Variants in GDAP1 observed in about 807,000 individuals in gnomAD.
The protein encoded by GDAP1 is ganglioside induced differentiation associated protein 1.
In GDAP1, 34 loss-of-function variants were observed where a neutral mutation model predicts 40.1. The observed-to-expected ratio is 0.85, with a 90% CI of 0.64 to 1.13. GDAP1 has a LOEUF of 1.13. Ranked by LOEUF, GDAP1 falls within the 50% of genes most tolerant of loss-of-function variation. GDAP1 has a pLI of 0.00. For synonymous variants in GDAP1, 170 were observed against 157.4 expected (o/e 1.08, Z -0.60); for missense variants, 374 against 433.7 (o/e 0.86, Z 1.22).
intron 2 of GDAP1, among the ~76,000 whole-genome samples, chr8:74,460,266 C>A (rs138697645): frequency 6.6e-6 from 1 of 152,158 alleles, no homozygotes; most frequent in Non-Finnish European, 1.5e-5. Flanking sequence ...GTTGATCAAG[C>A]ATTTGTTGAT....
rs73347204 is a variant in GDAP1 at position 74,365,043 on chromosome 8, A to T, written c.*676A>T. 4.0e-4 allele frequency: 180 copies of T among 454,044 alleles called. No homozygotes were observed. Among genetic ancestry groups the T allele is most frequent in the African/African-American group, 3.3e-3 (167 of 50,104 alleles). 28.1% of individuals were successfully genotyped at this position (454,044 alleles called of 1,614,324 possible). On this transcript the variant is annotated 3_prime_UTR_variant, in exon 6 of 6. Coordinates refer to ENST00000220822, the MANE Select transcript of GDAP1 (RefSeq NM_018972.4). Reference sequence around the variant, plus strand: ...TACTGTTTTAGATGGTGCCTGTGAGATACCATTCCTCTGGATGGTCATGTC... The same window carrying T: ...TACTGTTTTAGATGGTGCCTGTGAGTTACCATTCCTCTGGATGGTCATGTC...
intron 2 of GDAP1, among the ~76,000 whole-genome samples, chr8:74,469,042 T>A (rs797007268): frequency 6.6e-6 from 1 of 152,186 alleles, no homozygotes; most frequent in Non-Finnish European, 1.5e-5. Context: ...TCCTCAGATA[T>A]ATGCATATGA....
rs189398217 is a variant in GDAP1, at chr8:74,373,967, G to T, written c.165+22646G>T. Among the ~76,000 whole-genome samples, 12 of 152,282 alleles carry T rather than the reference G, an allele frequency of 7.9e-5. No homozygotes were observed. In the East Asian group the frequency reaches 2.3e-3, roughly 29 times the overall value. On this transcript the variant is annotated intron_variant, in intron 2 of 2. Coordinates refer to the GDAP1 transcript ENST00000523640. Reference sequence around the variant, plus strand: ...ATTTATTGAGAGTTTTTAGCATGAAGGGTTGTTGAATTTTGTCAAAGGCCT... The same window carrying T: ...ATTTATTGAGAGTTTTTAGCATGAATGGTTGTTGAATTTTGTCAAAGGCCT...
In GDAP1 at chr8:74,452,650, C is replaced by G. The variant is rs1806303137; in HGVS notation, c.166-36028C>G. ...CTCTTCATTTTAGTTTTCATATGTTCTGATAGTCCTCATCTGTCCATTTAT... is the reference window on the plus strand; with the variant it reads ...CTCTTCATTTTAGTTTTCATATGTTGTGATAGTCCTCATCTGTCCATTTAT... On this transcript the variant is annotated intron_variant, in intron 2 of 2. Transcript: ENST00000523640. 3.6e-5 allele frequency among the ~76,000 whole-genome samples: 3 copies of G among 83,512 alleles called. 1 individual carries two copies. In the South Asian group the frequency reaches 1.6e-3, roughly 45 times the overall value. The allele number at this position is 83,512 out of a possible 152,430, so 54.8% of individuals were successfully genotyped here. A position where few individuals can be genotyped will look rare whatever the true frequency, so the allele number is the denominator to read the frequency against.
At chr8:74,485,985 G>A (rs1440905614) in intron 2 of GDAP1, among the ~76,000 whole-genome samples, 1 of 152,152 alleles carries the variant, frequency 6.6e-6, no homozygotes, top group Non-Finnish European at 1.5e-5. Context: ...CTGTGGTACT[G>A]AACTCAGGGG....
chr8:74,369,755 C>T (rs186130185), downstream of GDAP1, among the ~76,000 whole-genome samples: 5 of 151,970 alleles, frequency 3.3e-5, no homozygotes, highest in East Asian at 3.9e-4. Context: ...GAAAGCCTCA[C>T]GTAGGCATAT....
At chr8:74,418,705 G>C (rs1280112807) in intron 2 of GDAP1, among the ~76,000 whole-genome samples, 4 of 152,124 alleles carry the variant, frequency 2.6e-5, no homozygotes, top group African/African-American at 9.7e-5. Context: ...TTTGCTCTCT[G>C]TTAAGAGCTC....
downstream of GDAP1, among the ~76,000 whole-genome samples, chr8:74,368,867 G>A (rs142409589): frequency 0.015 from 2,284 of 152,260 alleles, 44 homozygotes; most frequent in African/African-American, 0.051. Flanking sequence ...CTAAATGCCT[G>A]TAGTGCTCCC....
rs1220134253 is a variant in GDAP1, at chr8:74,437,910, A to G, written c.166-50768A>G. Among the ~76,000 whole-genome samples, 3 of 152,200 alleles carry G rather than the reference A, an allele frequency of 2.0e-5. No homozygotes were observed. In the East Asian group the frequency reaches 5.8e-4, roughly 29 times the overall value. ...CTTTCACTTTTAACACAGTGCTGCA[A>G]TAAACATTCTTGCACATGTGCACTT... is the stretch of plus-strand genomic sequence containing the variant. On this transcript the variant is annotated intron_variant, in intron 2 of 2. Transcript: ENST00000523640.
In GDAP1 at chr8:74,366,624, G is replaced by A. The variant is rs1809650089; in HGVS notation, c.*2257G>A. On this transcript the variant is annotated 3_prime_UTR_variant, in exon 6 of 6. Coordinates refer to ENST00000220822, the MANE Select transcript of GDAP1 (RefSeq NM_018972.4). ...AAATATCACAATTAGAAAAATGCCT[G>A]AGGTACTAAAGTTATGTTGGCTTTT... 1 of 453,790 alleles carries A rather than the reference G, an allele frequency of 2.2e-6. No individual in the cohort carries two copies. 28.1% of individuals were successfully genotyped at this position (453,790 alleles called of 1,614,324 possible).
At position 74,366,065 on chromosome 8, in the gene GDAP1, C is replaced by G. The variant is rs1232134533; in HGVS notation, c.*1698C>G. On this transcript the variant is annotated 3_prime_UTR_variant, in exon 6 of 6. Coordinates refer to ENST00000220822, the MANE Select transcript of GDAP1 (RefSeq NM_018972.4). ...ATAAAAACCTCTGAAGGATATTTAC[C>G]TATGAAAAAGTTGTTAAGAATAAAA... is the stretch of plus-strand genomic sequence containing the variant. The G allele has an allele frequency of 4.5e-6, 2 of 441,930 alleles. No individual in the cohort carries two copies. Among genetic ancestry groups the G allele is most frequent in the African/African-American group, 2.0e-5 (1 of 49,062 alleles). The allele number at this position is 441,930 out of a possible 1,614,324, so 27.4% of individuals were successfully genotyped here.
intron 2 of GDAP1, among the ~76,000 whole-genome samples, chr8:74,401,047 C>A (rs1229678965): frequency 6.7e-6 from 1 of 149,140 alleles, no homozygotes; most frequent in African/African-American, 2.6e-5. Flanking sequence ...TTGCTCTTCT[C>A]GAGGAGTATC....
At chr8:74,421,284 C>G (rs1245310140) in intron 2 of GDAP1, among the ~76,000 whole-genome samples, 1 of 151,930 alleles carries the variant, frequency 6.6e-6, no homozygotes, top group Non-Finnish European at 1.5e-5. Flanking sequence ...TCCAGGTTGT[C>G]AACACTCAAA....
chr8:74,371,095 C>A (rs905264124), downstream of GDAP1, among the ~76,000 whole-genome samples: 5 of 152,194 alleles, frequency 3.3e-5, no homozygotes, highest in Non-Finnish European at 5.9e-5. Flanking sequence ...TGTCAGCCAA[C>A]TTGATCTCAT....
chr8:74,375,473 G>A (rs1809837724), intron 2 of GDAP1, among the ~76,000 whole-genome samples: 1 of 152,122 alleles, frequency 6.6e-6, no homozygotes. Flanking sequence ...TGCAAACTTG[G>A]CTTAATGTTT....
intron 2 of GDAP1, among the ~76,000 whole-genome samples, chr8:74,376,276 T>G (rs1438068068): frequency 6.6e-6 from 1 of 152,086 alleles, no homozygotes; most frequent in African/African-American, 2.4e-5. Context: ...ATCTAAAATT[T>G]ATGTGAAAAT....
intron 2 of GDAP1, among the ~76,000 whole-genome samples, chr8:74,487,517 A>G (rs1806791089): frequency 1.3e-5 from 2 of 152,256 alleles, no homozygotes; most frequent in Non-Finnish European, 2.9e-5. Context: ...CTGGCTTAAT[A>G]TAATTGAGAA....
intron 2 of GDAP1, among the ~76,000 whole-genome samples, chr8:74,435,523 G>T (rs1286146406): frequency 1.3e-5 from 2 of 152,154 alleles, no homozygotes; most frequent in South Asian, 2.1e-4. Context: ...AGGATAATTT[G>T]CATGGTTGTA....
intron 2 of GDAP1, among the ~76,000 whole-genome samples, chr8:74,432,504 G>A (rs1008644272): frequency 1.1e-4 from 16 of 152,058 alleles, no homozygotes; most frequent in African/African-American, 2.7e-4. Context: ...TGGTTTTGGC[G>A]TAGTCCAAAT....
Sources: allele counts gnomAD v4.1 joint callset (sites outside exome capture counted in the v4.1 genomes callset), GRCh38; gene constraint gnomAD v4.1.1; transcripts MANE v1.5; gene names NCBI Gene and HGNC (gene_info 2026-07-23, HGNC 2026-07-21).